The following ABCA13 variants were observed in gnomAD, a reference collection of about 807,000 sequenced individuals.
ABCA13 encodes the protein ATP binding cassette subfamily A member 13, also known as ATP-binding cassette sub-family A member 13.
A neutral mutation model predicts 478.7 loss-of-function variants in ABCA13; 476 were observed. The observed-to-expected ratio is 0.99, with a 90% confidence interval of 0.92 to 1.07. The LOEUF is 1.07. Ranked by LOEUF, ABCA13 falls within the 50% of genes least tolerant of loss-of-function variation. ABCA13 has a pLI of 0.00. For synonymous variants in ABCA13, 2,252 were observed against 2,158.9 expected (o/e 1.04, Z -1.20); for missense variants, 6,060 against 5,910.6 (o/e 1.03, Z -0.83).
At chr7:48,323,033 T>A (rs895701736) in intron 27 of ABCA13, among the ~76,000 whole-genome samples, 1 of 152,206 alleles carries the variant, frequency 6.6e-6, no homozygotes, top group African/African-American at 2.4e-5. Context: ...TTGCCTCCTC[T>A]TTATTGCCAA....
In ABCA13 at chr7:48,278,304, C is replaced by G. The variant is rs532727375; in HGVS notation, c.7110C>G (p.Leu2370=). The change falls in exon 18 of 62, where the codon CTC becomes CTG. Residue 2370 remains leucine (L), a synonymous_variant. Coordinates refer to ENST00000435803, the MANE Select transcript of ABCA13 (RefSeq NM_152701.5). ...TGCAAGATTTATTTAATGCCCTTCT[C>G]AGGGAAACTTCAATGAAAAATAAGA... The part of the protein sequence containing the change: ...KFMQDLFNAL[L]RETSMKNKTE... 51 of 1,612,534 alleles carry G rather than the reference C, an allele frequency of 3.2e-5. No homozygotes were observed. The East Asian group carries it at 5.4e-4, about 17-fold the overall frequency.
Position 48,594,696 on chromosome 7 carries a change from T to C in ABCA13, c.14641-14T>C, listed in dbSNP as rs775434486. 2.5e-6 allele frequency: 4 copies of C among 1,609,322 alleles called. No individual in the cohort carries two copies. The Admixed American group carries it at 5.0e-5, about 20-fold the overall frequency. ...TTTTCAAATGCTGATTACTCTGTGT[T>C]GCCTTTCCTTCAGGATGAGCCCAGC... On this transcript the variant is annotated splice_polypyrimidine_tract_variant and intron_variant, in intron 57 of 61. Transcript: ENST00000435803.
Position 48,313,189 on chromosome 7 carries a change from A to G in ABCA13, c.9639A>G (p.Thr3213=), listed in dbSNP as rs1294180240. Reference sequence around the variant, plus strand: ...AGTATCTTCCTGAGTTTCTTCACACATTTAAAATCACTGCCTTGCTAGAAA... The same window carrying G: ...AGTATCTTCCTGAGTTTCTTCACACGTTTAAAATCACTGCCTTGCTAGAAA... ...VFEYLPEFLH[T]FKITALLETL... is the part of the protein sequence containing the mutation. The change falls in exon 25 of 62, where the codon ACA becomes ACG. Residue 3213 remains threonine, a synonymous_variant. Transcript: ENST00000435803. 6.2e-7 allele frequency: 1 copy of G among 1,612,522 alleles called. No individual in the cohort carries two copies.
At chr7:48,175,663 C>T (rs1794750609) in intron 1 of ABCA13, among the ~76,000 whole-genome samples, 2 of 152,178 alleles carry the variant, frequency 1.3e-5, no homozygotes, top group Admixed American at 1.3e-4. Context: ...TCAGGGGAGC[C>T]ACCCGCCTTG....
At chr7:48,586,025 G>A (rs17132489) in intron 56 of ABCA13, among the ~76,000 whole-genome samples, 9,226 of 152,210 alleles carry the variant, frequency 0.061, 348 homozygotes, top group African/African-American at 0.11. Flanking sequence ...CACAGAAGAG[G>A]TGACACATAT....
chr7:48,462,915 C>T (rs1319782370), intron 43 of ABCA13, among the ~76,000 whole-genome samples: 2 of 152,172 alleles, frequency 1.3e-5, no homozygotes, highest in Non-Finnish European at 2.9e-5. Context: ...TCTTCCAAAT[C>T]CATCTTTTAA....
chr7:48,346,565 T>C (rs930236578), intron 29 of ABCA13, among the ~76,000 whole-genome samples: 20 of 151,954 alleles, frequency 1.3e-4, no homozygotes, highest in South Asian at 4.2e-4. Flanking sequence ...TATTTTCTAG[T>C]TGTTATGCTT....
intron 1 of ABCA13, among the ~76,000 whole-genome samples, chr7:48,185,416 A>C (rs1212238290): frequency 6.6e-6 from 1 of 152,226 alleles, no homozygotes; most frequent in South Asian, 2.1e-4. Flanking sequence ...TTCTAGAATC[A>C]GCTCATTAAG....
In ABCA13 at chr7:48,171,466, G is replaced by A. The variant is rs535336068; in HGVS notation, c.-18G>A. On this transcript the variant is annotated 5_prime_UTR_variant, in exon 1 of 62. Coordinates refer to ENST00000435803, the MANE Select transcript of ABCA13 (RefSeq NM_152701.5). Reference sequence around the variant, plus strand: ...CCTTACAGGCTGGCTTCCTGACTGAGAGCAGGGAGCAGCAGGCATGGGGCA... The same window carrying A: ...CCTTACAGGCTGGCTTCCTGACTGAAAGCAGGGAGCAGCAGGCATGGGGCA... 3 of 1,535,854 alleles carry A rather than the reference G, an allele frequency of 2.0e-6. No individual in the cohort carries two copies. The highest frequency in any genetic ancestry group is 2.4e-5 in the East Asian group (1 of 40,916).
chr7:48,379,671 A>T (rs1002122545), intron 35 of ABCA13, among the ~76,000 whole-genome samples: 33 of 152,222 alleles, frequency 2.2e-4, no homozygotes, highest in Non-Finnish European at 4.4e-4. Flanking sequence ...AAATGTAGAT[A>T]CTAGAAGTAA....
At chr7:48,434,987 G>C (rs1333926105) in intron 42 of ABCA13, among the ~76,000 whole-genome samples, 2 of 151,744 alleles carry the variant, frequency 1.3e-5, no homozygotes, top group African/African-American at 4.8e-5. Context: ...TAGCTATTCA[G>C]GGCCTCTTGG....
At position 48,438,660 on chromosome 7, in the gene ABCA13, A is replaced by C. The variant is rs138556246; in HGVS notation, c.12565+10789A>C. ...TAACCTGTTGAGGCTGAAACTTATC[A>C]AAATTTTACCAGTTTCTTTACTGAT... On this transcript the variant is annotated intron_variant, in intron 42 of 61. Coordinates refer to ENST00000435803, the MANE Select transcript of ABCA13 (RefSeq NM_152701.5). 4.9e-3 allele frequency among the ~76,000 whole-genome samples: 747 copies of C among 151,718 alleles called. 10 individuals are homozygous for C. Among genetic ancestry groups the C allele is most frequent in the African/African-American group, 0.017 (687 of 41,368 alleles).
chr7:48,607,484 A>T (rs1020807964), intron 58 of ABCA13, among the ~76,000 whole-genome samples: 28 of 152,104 alleles, frequency 1.8e-4, no homozygotes, highest in Non-Finnish European at 2.1e-4. Flanking sequence ...AGCTGTTCCT[A>T]TTCGGCCATC....
chr7:48,410,295 GT>G (rs1465013577), intron 39 of ABCA13, among the ~76,000 whole-genome samples: 1 of 152,094 alleles, frequency 6.6e-6, no homozygotes, highest in Non-Finnish European at 1.5e-5. Flanking sequence ...ACCCACTTTT[GT>G]TCATGGGGGT....
chr7:48,310,023 C>A lies in ABCA13; in HGVS notation c.9398C>A (p.Pro3133His), dbSNP rs764261483. ...QEILHLLLTFPKGEKSWIAAE... is the reference protein window; with the variant it reads ...QEILHLLLTFHKGEKSWIAAE... ...ATCCTTCATCTCCTGCTGACATTTC[C>A]CAAAGGGGAAAAATCTTGGATCGCA... is the stretch of plus-strand genomic sequence containing the variant. The change falls in exon 24 of 62, where the codon CCC becomes CAC. Residue 3133 changes from proline to histidine, a missense_variant. This residue lies in a region of ABCA13 where 4,423 missense variants were observed against 4,309.1 expected (regional missense o/e 1.03). Coordinates refer to ENST00000435803, the MANE Select transcript of ABCA13 (RefSeq NM_152701.5). 8 of 1,613,804 alleles carry A rather than the reference C, an allele frequency of 5.0e-6. No homozygotes were observed. In the Admixed American group the frequency reaches 1.3e-4, roughly 27 times the overall value.
chr7:48,357,236 G>T (rs1810075774), intron 31 of ABCA13, among the ~76,000 whole-genome samples: 2 of 151,812 alleles, frequency 1.3e-5, no homozygotes, highest in African/African-American at 4.9e-5. Flanking sequence ...TATTTTGATT[G>T]TTTCTCTTCC....
At chr7:48,305,461 A>G (rs1800763600) in intron 23 of ABCA13, among the ~76,000 whole-genome samples, 1 of 152,206 alleles carries the variant, frequency 6.6e-6, no homozygotes, top group South Asian at 2.1e-4. Context: ...ATTTTTAAAT[A>G]CCTGCGCTCC....
rs568677092 is a variant in ABCA13, at chr7:48,483,123, G to T, written c.13142G>T (p.Gly4381Val). The T allele has an allele frequency of 1.2e-6, 2 of 1,613,380 alleles. No individual in the cohort carries two copies. Among genetic ancestry groups the T allele is most frequent in the East Asian group, 2.2e-5 (1 of 44,876 alleles). ...TTAAAAATCCCCAGTGAAGCTGGAG[G>T]TGCAAATGGAAACATATCAAAACCC... ...FGLKIPSEAG[G>V]ANGNISKPPT... Residue 4381 changes from glycine (G) to valine (V), a missense_variant, in exon 47 of 62, where the codon GGT (glycine) becomes GTT (valine). Around this residue, in one of 3 missense-constraint regions of ABCA13, gnomAD observed 1,627 missense variants for 1,571.0 expected, o/e 1.04. Coordinates refer to ENST00000435803, the MANE Select transcript of ABCA13 (RefSeq NM_152701.5).
chr7:48,408,395 G>T (rs62447264), intron 39 of ABCA13, among the ~76,000 whole-genome samples: 29,609 of 152,128 alleles, frequency 0.19, 3,266 homozygotes, highest in East Asian at 0.23. Context: ...GATCTAAACT[G>T]CCTTTAATCC....
Sources: gnomAD v4.1 joint callset for allele counts (sites outside exome capture counted in the v4.1 genomes callset) on GRCh38, gnomAD v4.1.1 for gene constraint, gnomAD v4.1.1 regional missense constraint, MANE v1.5 for transcripts, NCBI Gene and HGNC (gene_info 2026-07-23, HGNC 2026-07-21) for gene names.